The following SLC4A4 variants were observed in gnomAD, a reference collection of about 807,000 sequenced individuals.
SLC4A4 encodes solute carrier family 4 member 4.
In SLC4A4, 27 loss-of-function variants were observed where a neutral mutation model predicts 111.5. The ratio of observed to expected loss-of-function variants is 0.24; its 90% CI spans 0.18 to 0.33. The LOEUF is 0.33. Among genes scored for constraint, SLC4A4 ranks in the 10% least tolerant of loss-of-function variants. SLC4A4 has a pLI of 1.00. For synonymous variants in SLC4A4, 443 were observed against 463.4 expected (o/e 0.96, Z 0.57); for missense variants, 909 against 1,315.5 (o/e 0.69, Z 4.78).
intron 16 of SLC4A4, among the ~76,000 whole-genome samples, chr4:71,528,053 C>T (rs1733578173): frequency 6.6e-6 from 1 of 152,032 alleles, no homozygotes; most frequent in Admixed American, 6.6e-5. Context: ...GATCTGATTT[C>T]CAAAATGTCT....
At chr4:71,347,626 G>A (rs79198492) in intron 4 of SLC4A4, among the ~76,000 whole-genome samples, 8,070 of 152,178 alleles carry the variant, frequency 0.053, 280 homozygotes, top group South Asian at 0.13. Flanking sequence ...TGAATTTTGT[G>A]GGGACATAGA....
intron 7 of SLC4A4, among the ~76,000 whole-genome samples, chr4:71,414,141 A>C (rs768989692): frequency 1.3e-5 from 2 of 152,260 alleles, no homozygotes; most frequent in Non-Finnish European, 1.5e-5. Flanking sequence ...TATGAAGGAC[A>C]AAAAGTTGTG....
At chr4:71,258,122 A>G (rs1233674537) in intron 3 of SLC4A4, among the ~76,000 whole-genome samples, 1 of 152,214 alleles carries the variant, frequency 6.6e-6, no homozygotes, top group Non-Finnish European at 1.5e-5. Context: ...ATTGGGCATC[A>G]TGGCCCAGTG....
intron 13 of SLC4A4, among the ~76,000 whole-genome samples, chr4:71,471,955 A>T (rs1727911031): frequency 6.6e-6 from 1 of 151,940 alleles, no homozygotes; most frequent in Admixed American, 6.6e-5. Context: ...GTCTGGCAGT[A>T]GCATGGCAAG....
In SLC4A4 at chr4:71,568,022, C is replaced by T; in HGVS notation, c.*271C>T. 1 of 638,760 alleles carries T rather than the reference C, an allele frequency of 1.6e-6. No individual in the cohort carries two copies. The highest frequency in any genetic ancestry group is 2.8e-6 in the Non-Finnish European group (1 of 354,484). 39.6% of individuals were successfully genotyped at this position (638,760 alleles called of 1,614,324 possible). On this transcript the variant is annotated 3_prime_UTR_variant, in exon 26 of 26. Transcript: ENST00000264485. ...CAGGCCAAATAATACAGCGCTCTCT[C>T]TGCTTCTCTCTTGCATAGACACAAT... is the stretch of plus-strand genomic sequence containing the variant.
intron 2 of SLC4A4, among the ~76,000 whole-genome samples, chr4:71,139,875 A>G (rs1743949102): frequency 6.6e-6 from 1 of 152,128 alleles, no homozygotes; most frequent in African/African-American, 2.4e-5. Flanking sequence ...TCTTCTAGCT[A>G]TTTTGAAATA....
chr4:71,122,274 C>G lies in SLC4A4; in HGVS notation c.-2+29482C>G, dbSNP rs192446508. Among the ~76,000 whole-genome samples the G allele has an allele frequency of 2.7e-3, 393 of 146,742 alleles. 4 individuals are homozygous for G. Among genetic ancestry groups the G allele is most frequent in the African/African-American group, 9.8e-3 (381 of 38,768 alleles). On this transcript the variant is annotated intron_variant, in intron 2 of 26. Transcript: ENST00000649996. The stretch of plus-strand genomic sequence containing the variant: ...GTTGCAGTGAGCCGAGATCACGCCA[C>G]TGCACTCCAGCCTGGAAGACAAAAG...
intron 7 of SLC4A4, among the ~76,000 whole-genome samples, chr4:71,415,613 T>C (rs1018464909): frequency 6.6e-6 from 1 of 152,214 alleles, no homozygotes; most frequent in African/African-American, 2.4e-5. Flanking sequence ...TTAAATGATG[T>C]ATCTGTGAAT....
intron 14 of SLC4A4, among the ~76,000 whole-genome samples, chr4:71,475,542 A>G (rs1728284339): frequency 6.6e-6 from 1 of 151,884 alleles, no homozygotes; most frequent in South Asian, 2.1e-4. Flanking sequence ...AGTGCTAAGT[A>G]ACTAGGAAGT....
intron 10 of SLC4A4, 137 bp downstream of exon 10, chr4:71,450,680 T>C: frequency 1.3e-6 from 1 of 796,228 alleles, no homozygotes; most frequent in Non-Finnish European, 2.1e-6. Context: ...TTTTCTCAAA[T>C]GGATCACTTA....
chr4:71,419,846 C>T (rs1206745678), intron 7 of SLC4A4, among the ~76,000 whole-genome samples: 1 of 152,160 alleles, frequency 6.6e-6, no homozygotes, highest in Non-Finnish European at 1.5e-5. Flanking sequence ...TGGCTCCTCA[C>T]CATCATCAAA....
At chr4:71,424,370 G>A (rs1418298696) in intron 7 of SLC4A4, among the ~76,000 whole-genome samples, 2 of 151,686 alleles carry the variant, frequency 1.3e-5, no homozygotes, top group East Asian at 3.9e-4. Flanking sequence ...TGGAGAAATA[G>A]GAACACTTTT....
intron 2 of SLC4A4, among the ~76,000 whole-genome samples, chr4:71,163,304 G>A (rs1483681588): frequency 3.9e-5 from 6 of 152,164 alleles, no homozygotes; most frequent in Non-Finnish European, 1.5e-5. Flanking sequence ...TCCAAGGAGT[G>A]TGCCCCAAAT....
At chr4:71,257,171 G>C (rs1290683761) in intron 3 of SLC4A4, among the ~76,000 whole-genome samples, 1 of 152,140 alleles carries the variant, frequency 6.6e-6, no homozygotes. Flanking sequence ...TTTGAATACA[G>C]CATTTAAAAT....
intron 14 of SLC4A4, among the ~76,000 whole-genome samples, chr4:71,477,633 G>A (rs1728487558): frequency 6.6e-6 from 1 of 151,798 alleles, no homozygotes; most frequent in African/African-American, 2.4e-5. Context: ...AGGCTTTAAA[G>A]TCTAGGGGCG....
chr4:71,238,417 T>G (rs1719955357), intron 2 of SLC4A4, among the ~76,000 whole-genome samples: 1 of 152,216 alleles, frequency 6.6e-6, no homozygotes, highest in Non-Finnish European at 1.5e-5. Flanking sequence ...TAGCCAGGAT[T>G]CTTTAAGAAG....
chr4:71,294,105 G>T (rs911984304), intron 3 of SLC4A4, among the ~76,000 whole-genome samples: 1 of 152,206 alleles, frequency 6.6e-6, no homozygotes, highest in East Asian at 1.9e-4. Context: ...AAAAATGGAA[G>T]CATGTTAGTA....
chr4:71,536,485 T>TATATATATATATATATATATATAAA, intron 18 of SLC4A4, among the ~76,000 whole-genome samples: 1 of 84,030 alleles, frequency 1.2e-5, no homozygotes, highest in South Asian at 5.6e-4. Context: ...TATATATATA[T>TATATATATATATATATATATATAAA]ATGTATATAT....
At chr4:71,341,726 C>A in intron 4 of SLC4A4, among the ~76,000 whole-genome samples, 1 of 151,974 alleles carries the variant, frequency 6.6e-6, no homozygotes, top group East Asian at 1.9e-4. Context: ...TATTGAATGT[C>A]TTTAGCCCTT....
Sources: gnomAD v4.1 joint callset for allele counts (sites outside exome capture counted in the v4.1 genomes callset) on GRCh38, gnomAD v4.1.1 for gene constraint, MANE v1.5 for transcripts, NCBI Gene and HGNC (gene_info 2026-07-23, HGNC 2026-07-21) for gene names.